The following C6orf89 variants were observed in gnomAD, a reference collection of about 807,000 sequenced individuals.
The protein encoded by C6orf89 is bombesin receptor-activated protein C6orf89.
A neutral mutation model predicts 40.7 loss-of-function variants in C6orf89; 29 were observed. The observed-to-expected ratio is 0.71, with a 90% CI of 0.53 to 0.97. C6orf89 has a LOEUF of 0.97. C6orf89 is among the 50% of genes least tolerant of loss of function. The pLI is 0.00. For missense variants in C6orf89, 392 were observed against 429.1 expected (o/e 0.91, Z 0.76); for synonymous variants, 165 against 152.2 (o/e 1.08, Z -0.62).
chr6:36,896,268 C>T lies in C6orf89; in HGVS notation c.-20+1665C>T, dbSNP rs192982457. 9.9e-5 allele frequency among the ~76,000 whole-genome samples: 15 copies of T among 152,170 alleles called. No individual in the cohort carries two copies. The South Asian group carries it at 1.0e-3, about 11-fold the overall frequency. ...GATTACAGGTGCCTGCCACCACACC[C>T]GGCTAATTTTTGTATTTTTAGTAGA... On this transcript the variant is annotated intron_variant, in intron 2 of 8. Transcript: ENST00000480824.
At position 36,924,255 on chromosome 6, in the gene C6orf89, T is replaced by A. The variant is rs1360990243; in HGVS notation, c.*814T>A. The A allele has an allele frequency of 6.5e-6, 1 of 152,872 alleles. No homozygotes were observed. Among genetic ancestry groups the A allele is most frequent in the Non-Finnish European group, 1.5e-5 (1 of 68,550 alleles). 9.5% of individuals were successfully genotyped at this position (152,872 alleles called of 1,614,324 possible). On this transcript the variant is annotated 3_prime_UTR_variant, in exon 9 of 9. Transcript: ENST00000480824. ...CTGAGGCAGCACTGCTCTCGTCAGCTGTGTTGCCTTTACCAAGTGTCTTCA... is the reference window on the plus strand; with the variant it reads ...CTGAGGCAGCACTGCTCTCGTCAGCAGTGTTGCCTTTACCAAGTGTCTTCA...
At position 36,916,552 on chromosome 6, in the gene C6orf89, C is replaced by T. The variant is rs1762330687; in HGVS notation, c.803C>T (p.Pro268Leu). The T allele has an allele frequency of 6.2e-7, 1 of 1,614,070 alleles. No individual in the cohort carries two copies. Among genetic ancestry groups the T allele is most frequent in the Non-Finnish European group, 8.5e-7 (1 of 1,180,036 alleles). ...ASLNKCSFLH[P>L]EPVVGSKMHK... Reference sequence around the variant, plus strand: ...TTAAACAAGTGCTCCTTTCTTCACCCAGAACCTGTTGTGGGGAGTAAGGTA... The same window carrying T: ...TTAAACAAGTGCTCCTTTCTTCACCTAGAACCTGTTGTGGGGAGTAAGGTA... Residue 268 changes from proline (P) to leucine (L), a missense_variant, in exon 7 of 9, where the codon CCA becomes CTA. Pro to Leu is a moderately conservative substitution (Grantham distance 98, BLOSUM62 -3). Transcript: ENST00000480824.
At chr6:36,894,025 A>G in intron 1 of C6orf89, among the ~76,000 whole-genome samples, 1 of 136,540 alleles carries the variant, frequency 7.3e-6, no homozygotes, top group Non-Finnish European at 1.5e-5. Flanking sequence ...CTCTGTCTCA[A>G]AAAAAAAAAA....
chr6:36,882,753 C>T (rs1176063856), upstream of C6orf89, among the ~76,000 whole-genome samples: 18 of 115,048 alleles, frequency 1.6e-4, no homozygotes, highest in Non-Finnish European at 2.3e-4. Flanking sequence ...TTTTTTGAGA[C>T]GGAGTCTCGC....
chr6:36,896,944 A>C (rs892498112), intron 2 of C6orf89, among the ~76,000 whole-genome samples: 3 of 151,928 alleles, frequency 2.0e-5, no homozygotes, highest in Non-Finnish European at 4.4e-5. Context: ...CCTGGCCAAC[A>C]TGGTGAAACC....
At chr6:36,902,503 C>CATTT in intron 4 of C6orf89, 69 bp downstream of exon 4, 1 of 1,419,174 alleles carries the variant, frequency 7.0e-7, no homozygotes, top group Non-Finnish European at 9.8e-7. Context: ...AAGGAAGTAA[C>CATTT]ATTTATTGAT....
chr6:36,911,124 C>T (rs917142831), intron 4 of C6orf89, among the ~76,000 whole-genome samples: 42 of 152,132 alleles, frequency 2.8e-4, no homozygotes, highest in Non-Finnish European at 5.1e-4. Context: ...TTTTCTTCTA[C>T]CTGCTTTTTA....
chr6:36,888,879 G>A (rs1174041331), intron 1 of C6orf89, among the ~76,000 whole-genome samples: 1 of 152,142 alleles, frequency 6.6e-6, no homozygotes, highest in African/African-American at 2.4e-5. Context: ...AAATTTGGAG[G>A]ATTAGTGTTT....
intron 3 of C6orf89, among the ~76,000 whole-genome samples, chr6:36,901,488 C>A (rs1343190262): frequency 1.4e-5 from 2 of 142,462 alleles, no homozygotes; most frequent in African/African-American, 5.2e-5. Flanking sequence ...GCGCCCATCA[C>A]CACATCCGGC....
At chr6:36,914,520 T>A in intron 5 of C6orf89, 34 bp from the exon 6 acceptor site, 1 of 1,612,780 alleles carries the variant, frequency 6.2e-7, no homozygotes, top group Non-Finnish European at 8.5e-7. Flanking sequence ...CAAGTAACTC[T>A]GTGTTGTTTT....
chr6:36,925,644 A>G lies in C6orf89; in HGVS notation c.*2203A>G, dbSNP rs1161767415. The G allele has an allele frequency of 1.3e-5, 2 of 152,250 alleles. No individual in the cohort carries two copies. Among genetic ancestry groups the G allele is most frequent in the African/African-American group, 4.8e-5 (2 of 41,462 alleles). The allele number at this position is 152,250 out of a possible 1,614,324, so 9.4% of individuals were successfully genotyped here. The stretch of plus-strand genomic sequence containing the variant: ...AAATTCTCCAAAGAGGGTTTTCTAC[A>G]TACACAGAAGCAGTTCAACTTCTCA... On this transcript the variant is annotated 3_prime_UTR_variant, in exon 9 of 9. Coordinates refer to ENST00000480824, the MANE Select transcript of C6orf89 (RefSeq NM_001286635.2).
At chr6:36,875,024 G>C (rs1774614841) in intron 1 of C6orf89, 3 of 511,366 alleles carry the variant, frequency 5.9e-6, no homozygotes, top group Non-Finnish European at 1.0e-5. Flanking sequence ...TGGCGATACC[G>C]CGCCACTCTG....
intron 7 of C6orf89, 117 bp from the exon 8 acceptor site, chr6:36,919,461 T>C (rs1762437589): frequency 7.9e-7 from 1 of 1,268,628 alleles, no homozygotes; most frequent in Non-Finnish European, 1.1e-6. Flanking sequence ...TATTTCCTCT[T>C]TGCTTATGCT....
intron 7 of C6orf89, among the ~76,000 whole-genome samples, chr6:36,917,927 A>C (rs1762382871): frequency 6.6e-6 from 1 of 152,232 alleles, no homozygotes; most frequent in Non-Finnish European, 1.5e-5. Context: ...TACGAGAGTC[A>C]TGCTGTGGTT....
chr6:36,922,544 G>A (rs1351604622), intron 8 of C6orf89, among the ~76,000 whole-genome samples: 1 of 152,102 alleles, frequency 6.6e-6, no homozygotes, highest in East Asian at 1.9e-4. Context: ...CCTTTGAAAA[G>A]ACCCTTGGCA....
chr6:36,922,597 G>A (rs1762550716), intron 8 of C6orf89, among the ~76,000 whole-genome samples: 1 of 152,198 alleles, frequency 6.6e-6, no homozygotes, highest in South Asian at 2.1e-4. Flanking sequence ...TGCCTGTCTT[G>A]TTGATGCATA....
At chr6:36,901,318 A>ATTTTTTTTTTTTTTTTTTTTTTTTTTT (rs1408790414) in intron 3 of C6orf89, among the ~76,000 whole-genome samples, 6 of 65,130 alleles carry the variant, frequency 9.2e-5, no homozygotes, top group Admixed American at 5.3e-4. Context: ...TATTATTATT[A>ATTTTTTTTTTTTTTTTTTTTTTTTTTT]TTATTTTTTT....
At chr6:36,896,190 C>G (rs1332192949) in intron 2 of C6orf89, among the ~76,000 whole-genome samples, 1 of 152,172 alleles carries the variant, frequency 6.6e-6, no homozygotes, top group African/African-American at 2.4e-5. Flanking sequence ...TCATTGCAAC[C>G]TCTGCCTCCC....
intron 4 of C6orf89, among the ~76,000 whole-genome samples, chr6:36,909,741 C>G (rs963278788): frequency 6.6e-6 from 1 of 150,512 alleles, no homozygotes; most frequent in Non-Finnish European, 1.5e-5. Flanking sequence ...CGTGATTGTA[C>G]CACTGCACTT....
Sources: allele counts gnomAD v4.1 joint callset (sites outside exome capture counted in the v4.1 genomes callset), GRCh38; gene constraint gnomAD v4.1.1; transcripts MANE v1.5; gene names NCBI Gene and HGNC (gene_info 2026-07-23, HGNC 2026-07-21).